The following EXOC2 variants were observed in gnomAD, a reference collection of about 807,000 sequenced individuals.
EXOC2 encodes exocyst complex component 2.
Under a neutral mutation model 131.8 loss-of-function variants are expected in EXOC2, and 70 were observed. The observed-to-expected ratio is 0.53, with a 90% CI of 0.44 to 0.65. The LOEUF is 0.65. Among genes scored for constraint, EXOC2 ranks in the 30% least tolerant of loss-of-function variants. The pLI, the probability that EXOC2 is intolerant of heterozygous loss-of-function variation, is 0.00. For missense variants in EXOC2, 923 were observed against 1,108.6 expected, an observed-to-expected ratio of 0.83 and a Z score of 2.38; for synonymous variants, 411 against 398.4, an observed-to-expected ratio of 1.03 and a Z score of -0.38.
rs74186763 is a variant in EXOC2, at chr6:676,973, A to G, written c.-44+16046T>C. Reference sequence around the variant, plus strand: ...ACTCTGCGGTTCCCCATACTCTTCAACATTACGGAAAGGACAGCTTTCTCT... The same window carrying G: ...ACTCTGCGGTTCCCCATACTCTTCAGCATTACGGAAAGGACAGCTTTCTCT... On this transcript the variant is annotated intron_variant, in intron 1 of 27. Coordinates refer to ENST00000230449, the MANE Select transcript of EXOC2 (RefSeq NM_018303.6). 1.5e-3 allele frequency among the ~76,000 whole-genome samples: 114 copies of G among 76,496 alleles called. 3 individuals are homozygous for G. The highest frequency in any genetic ancestry group is 3.2e-3 in the African/African-American group (90 of 28,010). 50.2% of individuals were successfully genotyped at this position (76,496 alleles called of 152,430 possible).
At chr6:563,086 G>A (rs1757783855) in intron 16 of EXOC2, among the ~76,000 whole-genome samples, 1 of 152,302 alleles carries the variant, frequency 6.6e-6, no homozygotes, top group African/African-American at 2.4e-5. Context: ...CCAATTTGGG[G>A]AATTCTACGT....
At chr6:572,707 A>G in intron 12 of EXOC2, 63 bp from the exon 13 acceptor site, 6 of 1,568,592 alleles carry the variant, frequency 3.8e-6, no homozygotes, top group Non-Finnish European at 5.2e-6. Flanking sequence ...ACCTTTGAGC[A>G]TATTGGCGCA....
At position 527,478 on chromosome 6, in the gene EXOC2, T is replaced by C. The variant is rs116437454; in HGVS notation, c.2380+4991A>G. ...TCTCCATAATTAGACTTACATTTTC[T>C]TTCTCTTCAATTTGTTGGAATATGC... On this transcript the variant is annotated intron_variant, in intron 23 of 27. Transcript: ENST00000230449. Among the ~76,000 whole-genome samples, 1,304 of 152,386 alleles carry C rather than the reference T, an allele frequency of 8.6e-3. 8 individuals are homozygous for C. The highest frequency in any genetic ancestry group is 0.017 in the Middle Eastern group (5 of 294).
chr6:652,292 C>T (rs745970906), intron 1 of EXOC2, among the ~76,000 whole-genome samples: 1 of 152,196 alleles, frequency 6.6e-6, no homozygotes, highest in Non-Finnish European at 1.5e-5. Flanking sequence ...TCTAGCCCAA[C>T]GGAAACACAT....
intron 21 of EXOC2, among the ~76,000 whole-genome samples, chr6:551,531 C>T (rs767181330): frequency 4.6e-4 from 70 of 152,244 alleles, no homozygotes; most frequent in African/African-American, 1.2e-3. Context: ...AGAGCTGCCG[C>T]GTCACAGGGA....
intron 1 of EXOC2, among the ~76,000 whole-genome samples, chr6:665,122 G>A (rs571759716): frequency 1.3e-5 from 2 of 152,170 alleles, no homozygotes; most frequent in South Asian, 4.1e-4. Context: ...ATGGGCTAAG[G>A]ACATGAATAG....
At chr6:491,339 A>C (rs925781252) in intron 25 of EXOC2, among the ~76,000 whole-genome samples, 153 bp from the exon 26 acceptor site, 22 of 152,278 alleles carry the variant, frequency 1.4e-4, no homozygotes, top group Admixed American at 1.4e-3. Context: ...AGAGTTTCTA[A>C]AACAGTCCGA....
chr6:656,658 C>A (rs759519295), intron 1 of EXOC2: 2 of 1,607,238 alleles, frequency 1.2e-6, no homozygotes, highest in Non-Finnish European at 1.7e-6. Flanking sequence ...GGAGGACGCG[C>A]CCGCTGCGCT....
Position 486,585 on chromosome 6 carries a change from A to T in EXOC2, c.*86T>A. On this transcript the variant is annotated 3_prime_UTR_variant, in exon 28 of 28. Coordinates refer to ENST00000230449, the MANE Select transcript of EXOC2 (RefSeq NM_018303.6). ...GAGAAAAATGGCAAACCCAATGTTT[A>T]ATACACCAAATACCTTTAGGGTACT... The T allele has an allele frequency of 8.2e-7, 1 of 1,219,890 alleles. No individual in the cohort carries two copies. Among genetic ancestry groups the T allele is most frequent in the Non-Finnish European group, 1.2e-6 (1 of 846,342 alleles). The allele number at this position is 1,219,890 out of a possible 1,614,324, so 75.6% of individuals were successfully genotyped here.
intron 24 of EXOC2, among the ~76,000 whole-genome samples, chr6:499,359 T>A (rs1561782796): frequency 6.6e-6 from 1 of 151,930 alleles, no homozygotes; most frequent in Non-Finnish European, 1.5e-5. Context: ...TATCTTCACC[T>A]TTCAAATATT....
chr6:655,861 T>A, intron 1 of EXOC2: 1 of 344,396 alleles, frequency 2.9e-6, no homozygotes, highest in Non-Finnish European at 5.3e-6. Context: ...AAAAAAAGAG[T>A]TGAAGAATAA....
chr6:589,176 T>C (rs984433916), intron 11 of EXOC2, among the ~76,000 whole-genome samples: 4 of 152,236 alleles, frequency 2.6e-5, no homozygotes, highest in African/African-American at 9.6e-5. Flanking sequence ...ACTGCATTCA[T>C]CACCACCTTT....
intron 1 of EXOC2, chr6:656,901 A>G: frequency 6.4e-7 from 1 of 1,560,282 alleles, no homozygotes; most frequent in Non-Finnish European, 8.7e-7. Context: ...GTGAATGAAC[A>G]GCTCTAGACA....
At position 506,023 on chromosome 6, in the gene EXOC2, C is replaced by T. The variant is rs1214428696; in HGVS notation, c.2381-6323G>A. 1.3e-5 allele frequency among the ~76,000 whole-genome samples: 2 copies of T among 152,144 alleles called. No individual in the cohort carries two copies. Among genetic ancestry groups the T allele is most frequent in the African/African-American group, 4.8e-5 (2 of 41,422 alleles). On this transcript the variant is annotated intron_variant, in intron 23 of 27. Coordinates refer to ENST00000230449, the MANE Select transcript of EXOC2 (RefSeq NM_018303.6). This position sits in a 1 kb window ranked among gnomAD's most constrained non-coding sequence, Gnocchi z 4.4. ...CGTCATCTACTAAAAGTAAGTGCCTCGGCATACATGGAAAGAAGGTATTCC... is the reference window on the plus strand; with the variant it reads ...CGTCATCTACTAAAAGTAAGTGCCTTGGCATACATGGAAAGAAGGTATTCC...
At chr6:609,973 T>G in intron 7 of EXOC2, 125 bp downstream of exon 7, 1 of 677,894 alleles carries the variant, frequency 1.5e-6, no homozygotes, top group South Asian at 2.0e-5. Context: ...ATTAAATCAC[T>G]ACTATTTAGA....
chr6:649,060 C>T (rs1320945128), intron 1 of EXOC2, among the ~76,000 whole-genome samples: 1 of 152,096 alleles, frequency 6.6e-6, no homozygotes, highest in Non-Finnish European at 1.5e-5. Context: ...GTTTCCCATG[C>T]TGGAGGGCCG....
At chr6:629,352 T>C (rs1309897922) in intron 4 of EXOC2, among the ~76,000 whole-genome samples, 1 of 152,214 alleles carries the variant, frequency 6.6e-6, no homozygotes, top group Non-Finnish European at 1.5e-5. Context: ...TTATAAGGCA[T>C]CTTGAAAGAT....
In EXOC2 at chr6:652,931, GTC is replaced by G. The variant is rs1458722524; in HGVS notation, c.-43-15072_-43-15071del. 7.9e-5 allele frequency among the ~76,000 whole-genome samples: 12 copies of G among 152,290 alleles called. No homozygotes were observed. The East Asian group carries it at 2.3e-3, about 29-fold the overall frequency. ...TTCTAAAAGCATGTGCTCACTCCAT[GTC>G]TCTGTGTCACATTTTGGTAATTCTT... On this transcript the variant is annotated intron_variant, in intron 1 of 27. Coordinates refer to ENST00000230449, the MANE Select transcript of EXOC2 (RefSeq NM_018303.6).
intron 15 of EXOC2, 55 bp downstream of exon 15, chr6:564,490 A>G: frequency 6.2e-7 from 1 of 1,603,550 alleles, no homozygotes; most frequent in Non-Finnish European, 8.5e-7. Context: ...AATTCTTTCC[A>G]AAAAGTTAAA....
Sources: allele counts gnomAD v4.1 joint callset (sites outside exome capture counted in the v4.1 genomes callset), GRCh38; gene constraint gnomAD v4.1.1; non-coding constraint Gnocchi (gnomAD v3.1); transcripts MANE v1.5; gene names NCBI Gene and HGNC (gene_info 2026-07-23, HGNC 2026-07-21).